PNPLA8: variants seen among roughly 807,000 people sequenced by gnomAD.
PNPLA8 encodes calcium-independent phospholipase A2-gamma.
A neutral mutation model predicts 76.9 loss-of-function variants in PNPLA8; 39 were observed. The ratio of observed to expected loss-of-function variants is 0.51; its 90% confidence interval spans 0.39 to 0.66. The LOEUF (loss-of-function observed/expected upper bound fraction) is 0.66. Among genes scored for constraint, PNPLA8 ranks in the 30% least tolerant of loss-of-function variants. PNPLA8 has a pLI of 0.00. For synonymous variants in PNPLA8, 301 were observed against 307.9 expected, an observed-to-expected ratio of 0.98 and a Z score of 0.24; for missense variants, 887 against 918.0, an observed-to-expected ratio of 0.97 and a Z score of 0.44.
At chr7:108,474,115 C>G (rs1859813057) in intron 10 of PNPLA8, among the ~76,000 whole-genome samples, 1 of 152,096 alleles carries the variant, frequency 6.6e-6, no homozygotes, top group African/African-American at 2.4e-5. Flanking sequence ...TAGTGTATGA[C>G]TTGCCTTTTC....
rs773865740 is a variant in PNPLA8, at chr7:108,502,661, T to C, written c.1207-19A>G. The C allele has an allele frequency of 1.6e-5, 26 of 1,581,388 alleles. No individual in the cohort carries two copies. The highest frequency in any genetic ancestry group is 2.0e-5 in the Non-Finnish European group (23 of 1,154,288). ...TTCTTTCCTATATTGAGAGAAAAGA[T>C]ACTTTGTTGCTTTTGTCAAATCAAG... On this transcript the variant is annotated intron_variant, in intron 4 of 10. Coordinates refer to ENST00000257694, the MANE Select transcript of PNPLA8 (RefSeq NM_001256007.3).
chr7:108,484,132 A>G (rs1860583560), intron 9 of PNPLA8, among the ~76,000 whole-genome samples: 1 of 152,216 alleles, frequency 6.6e-6, no homozygotes, highest in African/African-American at 2.4e-5. Flanking sequence ...TCAATCCCAA[A>G]TCAAAAAACT....
chr7:108,493,457 T>C (rs370648722), intron 7 of PNPLA8, among the ~76,000 whole-genome samples: 55 of 152,038 alleles, frequency 3.6e-4, no homozygotes, highest in African/African-American at 1.3e-3. Flanking sequence ...TCGCCCAGAC[T>C]GGAGTGCAGT....
At chr7:108,483,272 C>A (rs965252785) in intron 9 of PNPLA8, among the ~76,000 whole-genome samples, 1 of 152,136 alleles carries the variant, frequency 6.6e-6, no homozygotes, top group Non-Finnish European at 1.5e-5. Context: ...TTTATTATGG[C>A]AAATGTCATT....
rs35773218 is a variant in PNPLA8, at chr7:108,496,594, T to C, written c.1615A>G (p.Asn539Asp). ...GTAATTGTAACTTACTTAAGAATGT[T>C]TTCCCATGTTTGACTGTCATAAAAT... ...HAFYDSQTWE[N>D]ILKDRMGSAL... Residue 539 changes from asparagine to aspartate, a missense_variant, in exon 7 of 11, where the codon AAC becomes GAC. By Grantham distance (23) the Asn-to-Asp change is conservative. Transcript: ENST00000257694. The C allele has an allele frequency of 2.3e-4, 366 of 1,594,692 alleles. 1 individual carries two copies. In the African/African-American group the frequency reaches 4.4e-3, roughly 19 times the overall value.
chr7:108,499,587 G>T (rs1861800179), intron 5 of PNPLA8, among the ~76,000 whole-genome samples: 1 of 152,168 alleles, frequency 6.6e-6, no homozygotes, highest in South Asian at 2.1e-4. Flanking sequence ...GGGCTGTCCT[G>T]TGCACTGTAT....
rs35636300 is a variant in PNPLA8 at position 108,514,637 on chromosome 7, T to C, written c.855A>G (p.Gln285=). 2,687 of 1,613,956 alleles carry C rather than the reference T, an allele frequency of 1.7e-3. 51 individuals carry two copies. In the African/African-American group the frequency reaches 0.032, roughly 19 times the overall value. ...GACGAGAAAGAAAGTTAGCAATACTTTGTTTAGTTGAAACTTGAAGAACAT... is the reference window on the plus strand; with the variant it reads ...GACGAGAAAGAAAGTTAGCAATACTCTGTTTAGTTGAAACTTGAAGAACAT... The part of the protein sequence containing the change: ...IPDVLQVSTK[Q]SIANFLSRPT... The change falls in exon 3 of 11, where the codon CAA becomes CAG. Residue 285 remains glutamine, a synonymous_variant. Transcript: ENST00000257694.
chr7:108,498,841 G>A (rs16872576), intron 5 of PNPLA8, among the ~76,000 whole-genome samples: 15,413 of 152,114 alleles, frequency 0.1, 813 homozygotes, highest in Non-Finnish European at 0.11. Context: ...ATAAAAAAAC[G>A]ATGAAAAGCT....
intron 4 of PNPLA8, among the ~76,000 whole-genome samples, chr7:108,506,818 T>C (rs1862466221): frequency 6.6e-6 from 1 of 152,124 alleles, no homozygotes; most frequent in Middle Eastern, 3.2e-3. Flanking sequence ...TGATCAACCT[T>C]TTTGGGAACA....
chr7:108,526,030 G>C lies in PNPLA8; in HGVS notation c.-131C>G. 2 of 985,040 alleles carry C rather than the reference G, an allele frequency of 2.0e-6. No homozygotes were observed. Among genetic ancestry groups the C allele is most frequent in the Non-Finnish European group, 2.4e-6 (2 of 829,506 alleles). 61.0% of individuals were successfully genotyped at this position (985,040 alleles called of 1,614,324 possible). On this transcript the variant is annotated splice_region_variant and 5_prime_UTR_variant, in exon 1 of 11. Transcript: ENST00000257694. ...CCCTGTCCCCTCGCGGCTACTTACC[G>C]GGATGCAGGCCGCAGTCACTAGGGC...
At chr7:108,487,136 C>A (rs10273997) in intron 9 of PNPLA8, among the ~76,000 whole-genome samples, 99,956 of 151,960 alleles carry the variant, frequency 0.66, 33,625 homozygotes, top group African/African-American at 0.81. Flanking sequence ...ACTTTTACAG[C>A]TAGTGTACAC....
chr7:108,483,660 A>G (rs1860553829), intron 9 of PNPLA8, among the ~76,000 whole-genome samples: 1 of 152,200 alleles, frequency 6.6e-6, no homozygotes, highest in Non-Finnish European at 1.5e-5. Flanking sequence ...AGTTGAAAAG[A>G]ACTATTTTTA....
intron 2 of PNPLA8, among the ~76,000 whole-genome samples, chr7:108,516,601 C>A (rs1047177422): frequency 1.3e-5 from 2 of 152,134 alleles, no homozygotes; most frequent in Admixed American, 6.5e-5. Flanking sequence ...AGGTAGACTT[C>A]ATTAATATTA....
intron 2 of PNPLA8, among the ~76,000 whole-genome samples, 152 bp from the exon 3 acceptor site, chr7:108,515,726 A>C (rs1020305383): frequency 6.6e-6 from 1 of 152,244 alleles, no homozygotes; most frequent in Non-Finnish European, 1.5e-5. Flanking sequence ...ATTCATTTTT[A>C]AGCTAATAGA....
intron 8 of PNPLA8, among the ~76,000 whole-genome samples, chr7:108,488,604 G>A (rs1370336445): frequency 6.6e-6 from 1 of 152,146 alleles, no homozygotes; most frequent in African/African-American, 2.4e-5. Context: ...TTCAAGATAA[G>A]CACACTATTT....
chr7:108,514,029 T>C (rs1863119875), intron 4 of PNPLA8, 115 bp downstream of exon 4: 1 of 712,406 alleles, frequency 1.4e-6, no homozygotes, highest in Non-Finnish European at 2.4e-6. Context: ...ATCACATGTA[T>C]AATAAAAACC....
At chr7:108,487,210 T>C (rs554442910) in intron 9 of PNPLA8, among the ~76,000 whole-genome samples, 18 of 152,336 alleles carry the variant, frequency 1.2e-4, no homozygotes, top group Non-Finnish European at 1.9e-4. Flanking sequence ...GCTGTGATGC[T>C]AGTCCAGTTA....
intron 10 of PNPLA8, 86 bp from the exon 11 acceptor site, chr7:108,472,761 A>C: frequency 1.1e-6 from 1 of 935,786 alleles, no homozygotes; most frequent in Admixed American, 3.3e-5. Context: ...CTTTATTTAA[A>C]ATTAACTTCT....
At chr7:108,506,733 G>A (rs1040999335) in intron 4 of PNPLA8, among the ~76,000 whole-genome samples, 1 of 151,340 alleles carries the variant, frequency 6.6e-6, no homozygotes, top group South Asian at 2.1e-4. Flanking sequence ...AGACATATAA[G>A]AACACATGCT....
Sources: allele counts gnomAD v4.1 joint callset (sites outside exome capture counted in the v4.1 genomes callset), GRCh38; gene constraint gnomAD v4.1.1; transcripts MANE v1.5; gene names NCBI Gene and HGNC (gene_info 2026-07-23, HGNC 2026-07-21).